DPP6: variants seen among roughly 807,000 people sequenced by gnomAD.
DPP6 encodes the protein dipeptidyl peptidase like 6.
DPP6 carries 69 observed loss-of-function variants against 122.6 expected under a neutral mutation model. The observed-to-expected ratio is 0.56, with a 90% CI of 0.46 to 0.69. The LOEUF is 0.69. DPP6 is among the 30% of genes least tolerant of loss of function. The pLI is 0.00. For synonymous variants in DPP6, 418 were observed against 433.1 expected, an observed-to-expected ratio of 0.97 and a Z score of 0.43; for missense variants, 928 against 1,116.9, an observed-to-expected ratio of 0.83 and a Z score of 2.41.
chr7:154,198,104 C>T (rs4074568), intron 1 of DPP6, among the ~76,000 whole-genome samples: 115,101 of 152,000 alleles, frequency 0.76, 44,846 homozygotes, highest in Non-Finnish European at 0.85. Context: ...AACTTACGAT[C>T]ATCCTGGAGC....
At chr7:153,758,485 G>A in the DPP6 span, among the ~76,000 whole-genome samples, 3 of 151,988 alleles carry the variant, frequency 2.0e-5, 1 homozygote, top group South Asian at 6.2e-4. Flanking sequence ...CCCAGAAGGT[G>A]CCTCATGCTC....
intron 7 of DPP6, among the ~76,000 whole-genome samples, chr7:154,680,708 A>G (rs1462024042): frequency 6.6e-6 from 1 of 152,044 alleles, no homozygotes; most frequent in Non-Finnish European, 1.5e-5. Context: ...AAAAAATTAA[A>G]AAGAGAAGAA....
chr7:154,153,751 T>C (rs1796542682), intron 1 of DPP6, among the ~76,000 whole-genome samples: 1 of 152,382 alleles, frequency 6.6e-6, no homozygotes, highest in East Asian at 1.9e-4. Context: ...CTCCTTTTAC[T>C]TGAAGCAATA....
chr7:154,711,943 C>CAT (rs1554443034), intron 7 of DPP6, among the ~76,000 whole-genome samples: 4 of 48,674 alleles, frequency 8.2e-5, no homozygotes, highest in Non-Finnish European at 3.3e-4. Flanking sequence ...ACTTAATACA[C>CAT]ACACACACAC....
rs147902388 is a variant in DPP6 at position 154,826,283 on chromosome 7, C to T, written c.1666+19171C>T. Among the ~76,000 whole-genome samples the T allele has an allele frequency of 7.9e-5, 12 of 152,304 alleles. No homozygotes were observed. In the East Asian group the frequency reaches 2.1e-3, roughly 27 times the overall value. Reference sequence around the variant, plus strand: ...AGCTTTAGATAAAGTCTCTGTCTTCCTATACCACTCTTTATCTTCTAGACA... The same window carrying T: ...AGCTTTAGATAAAGTCTCTGTCTTCTTATACCACTCTTTATCTTCTAGACA... On this transcript the variant is annotated intron_variant, in intron 16 of 25. Coordinates refer to ENST00000377770, the MANE Select transcript of DPP6 (RefSeq NM_130797.4).
intron 6 of DPP6, among the ~76,000 whole-genome samples, chr7:154,654,611 G>A (rs1837124117): frequency 1.3e-5 from 2 of 151,642 alleles, no homozygotes; most frequent in Non-Finnish European, 2.9e-5. Flanking sequence ...TAGAGACAGG[G>A]TTCCACCATG....
intron 1 of DPP6, among the ~76,000 whole-genome samples, chr7:154,297,512 G>T (rs912414056): frequency 6.6e-6 from 1 of 152,226 alleles, no homozygotes; most frequent in African/African-American, 2.4e-5. Flanking sequence ...TTTCTTGCCA[G>T]TATTCTCTGC....
intron 8 of DPP6, among the ~76,000 whole-genome samples, chr7:154,740,279 C>A (rs1005900742): frequency 6.6e-6 from 1 of 151,156 alleles, no homozygotes; most frequent in African/African-American, 2.4e-5. Context: ...ATATTTGACA[C>A]CCTTGGGAAC....
chr7:154,485,017 A>C (rs1027795579), intron 3 of DPP6, among the ~76,000 whole-genome samples: 1 of 152,142 alleles, frequency 6.6e-6, no homozygotes, highest in Admixed American at 6.5e-5. Context: ...TTCAAGTTTA[A>C]AATGGTTTGG....
chr7:154,433,422 G>C (rs954935780), intron 1 of DPP6, among the ~76,000 whole-genome samples: 3 of 151,642 alleles, frequency 2.0e-5, no homozygotes, highest in Non-Finnish European at 4.4e-5. Flanking sequence ...GGCCGCCTCA[G>C]CCTCCCGAAG....
At chr7:154,130,681 C>G (rs1372895609) in intron 1 of DPP6, among the ~76,000 whole-genome samples, 1 of 152,084 alleles carries the variant, frequency 6.6e-6, no homozygotes, top group East Asian at 1.9e-4. Context: ...CCTCAGATCT[C>G]ACGTCAGATG....
intron 2 of DPP6, among the ~76,000 whole-genome samples, chr7:154,466,217 C>A (rs927624132): frequency 6.6e-6 from 1 of 150,484 alleles, no homozygotes; most frequent in Non-Finnish European, 1.5e-5. Flanking sequence ...GGGTGGGGGG[C>A]AAGGGAAGGG....
intron 1 of DPP6, chr7:154,058,163 G>T (rs189897815): frequency 6.8e-6 from 1 of 146,018 alleles, no homozygotes. Context: ...CATCGCAGGG[G>T]GGGAGGCAAT....
chr7:154,344,961 C>T (rs926564305), intron 1 of DPP6, among the ~76,000 whole-genome samples: 1 of 152,144 alleles, frequency 6.6e-6, no homozygotes, highest in African/African-American at 2.4e-5. Context: ...TGTTTAAATG[C>T]TTAATAGCTG....
chr7:153,776,559 T>TAGTC, the DPP6 span, among the ~76,000 whole-genome samples: 1 of 152,198 alleles, frequency 6.6e-6, no homozygotes, highest in Non-Finnish European at 1.5e-5. Flanking sequence ...GGGTATGTCT[T>TAGTC]TGTTAGCAGC....
At chr7:153,916,122 G>A (rs1800300791) in intron 1 of DPP6, among the ~76,000 whole-genome samples, 1 of 150,918 alleles carries the variant, frequency 6.6e-6, no homozygotes, top group African/African-American at 2.4e-5. Context: ...GCCCGCCACT[G>A]CGCCTGGCTA....
intron 1 of DPP6, among the ~76,000 whole-genome samples, chr7:154,261,374 A>T (rs1468171922): frequency 1.3e-5 from 2 of 152,206 alleles, no homozygotes; most frequent in Non-Finnish European, 2.9e-5. Context: ...CTCTCACCTT[A>T]TACAGAAATC....
intron 1 of DPP6, among the ~76,000 whole-genome samples, chr7:153,951,615 TC>T (rs1802217248): frequency 6.6e-6 from 1 of 152,202 alleles, no homozygotes; most frequent in Non-Finnish European, 1.5e-5. Flanking sequence ...AGCCTTGCTG[TC>T]CAGGAATTTA....
chr7:154,030,732 G>A (rs939636948), intron 1 of DPP6, among the ~76,000 whole-genome samples: 6 of 152,058 alleles, frequency 3.9e-5, no homozygotes, highest in Non-Finnish European at 5.9e-5. Context: ...GAGATTCAGC[G>A]TCTGGACTTC....
Sources: gnomAD v4.1 joint callset for allele counts (sites outside exome capture counted in the v4.1 genomes callset) on GRCh38, gnomAD v4.1.1 for gene constraint, MANE v1.5 for transcripts, NCBI Gene and HGNC (gene_info 2026-07-23, HGNC 2026-07-21) for gene names.